MME: variants seen among roughly 807,000 people sequenced by gnomAD.
The protein encoded by MME is membrane metalloendopeptidase.
A neutral mutation model predicts 113.2 loss-of-function variants in MME; 98 were observed. The ratio of observed to expected loss-of-function variants is 0.87; its 90% confidence interval spans 0.74 to 1.02. The LOEUF (loss-of-function observed/expected upper bound fraction) is 1.02. Ranked by LOEUF, MME falls within the 50% of genes least tolerant of loss-of-function variation. The pLI is 0.00. For synonymous variants in MME, 292 were observed against 300.6 expected, an observed-to-expected ratio of 0.97 and a Z score of 0.30; for missense variants, 836 against 896.0, an observed-to-expected ratio of 0.93 and a Z score of 0.86.
At chr3:155,129,800 T>C (rs923221589) in intron 8 of MME, among the ~76,000 whole-genome samples, 11 of 152,188 alleles carry the variant, frequency 7.2e-5, no homozygotes, top group Admixed American at 3.3e-4. Flanking sequence ...GAGGTACAAA[T>C]TTCTATGCTA....
Position 155,080,408 on chromosome 3 carries a change from G to A in MME, c.-69G>A, listed in dbSNP as rs924248486. ...TGCACCGGGGCTGATTTGGGGGCTG[G>A]GAATTTGCCATTCTGCTGTACAGAC... On this transcript the variant is annotated 5_prime_UTR_variant, in exon 1 of 23. Coordinates refer to ENST00000360490, the MANE Select transcript of MME (RefSeq NM_007289.4). 6.6e-6 allele frequency: 1 copy of A among 152,110 alleles called. No homozygotes were observed. Among genetic ancestry groups the A allele is most frequent in the Non-Finnish European group, 1.5e-5 (1 of 68,090 alleles). 9.4% of individuals were successfully genotyped at this position (152,110 alleles called of 1,614,324 possible).
intron 8 of MME, among the ~76,000 whole-genome samples, chr3:155,126,791 G>A (rs1178694307): frequency 6.6e-6 from 1 of 151,902 alleles, no homozygotes; most frequent in African/African-American, 2.4e-5. Context: ...CCTGAGGTCG[G>A]GAGATCGAGA....
intron 8 of MME, among the ~76,000 whole-genome samples, chr3:155,132,228 C>G (rs137924708): frequency 6.6e-6 from 1 of 152,292 alleles, no homozygotes; most frequent in East Asian, 1.9e-4. Flanking sequence ...GTTTGAAGGA[C>G]AGTAGTCAAA....
chr3:155,084,201 G>C lies in MME; in HGVS notation c.34G>C (p.Asp12His), dbSNP rs1382290757. 6.2e-7 allele frequency: 1 copy of C among 1,613,914 alleles called. No homozygotes were observed. The highest frequency in any genetic ancestry group is 8.5e-7 in the Non-Finnish European group (1 of 1,179,992). Residue 12 changes from aspartate to histidine, a missense_variant, in exon 2 of 23, where the codon GAT becomes CAT. Coordinates refer to ENST00000360490, the MANE Select transcript of MME (RefSeq NM_007289.4). ...GKSESQMDIT[D>H]INTPKPKKKQ... ...GTCAGAAAGTCAGATGGATATAACT[G>C]ATATCAACACTCCAAAGCCAAAGAA...
chr3:155,099,358 G>A (rs551219843), intron 3 of MME, among the ~76,000 whole-genome samples: 1 of 152,076 alleles, frequency 6.6e-6, no homozygotes, highest in African/African-American at 2.4e-5. Flanking sequence ...AAAACAATAT[G>A]TTCTGTTTAA....
At chr3:155,132,557 A>G (rs1017289644) in intron 8 of MME, among the ~76,000 whole-genome samples, 1 of 152,050 alleles carries the variant, frequency 6.6e-6, no homozygotes, top group Non-Finnish European at 1.5e-5. Context: ...AAAGCTACAT[A>G]AATGTTTTGG....
At chr3:155,060,552 T>TATCAGGG (rs1377679930) in intron 1 of MME, among the ~76,000 whole-genome samples, 22 of 152,216 alleles carry the variant, frequency 1.4e-4, no homozygotes, top group African/African-American at 5.3e-4. Flanking sequence ...TCTGAGACCC[T>TATCAGGG]GATGATACCA....
intron 22 of MME, among the ~76,000 whole-genome samples, chr3:155,174,770 T>C (rs1177309768): frequency 6.6e-6 from 1 of 152,122 alleles, no homozygotes; most frequent in Non-Finnish European, 1.5e-5. Flanking sequence ...ATTTATGTAC[T>C]TTAAAATAAA....
At chr3:155,107,813 G>C (rs1717815915) in intron 3 of MME, among the ~76,000 whole-genome samples, 1 of 152,134 alleles carries the variant, frequency 6.6e-6, no homozygotes. Context: ...GATCCTTTTT[G>C]TAGTCCATTT....
intron 1 of MME, among the ~76,000 whole-genome samples, chr3:155,061,951 G>A (rs983137469): frequency 2.0e-5 from 3 of 152,170 alleles, no homozygotes; most frequent in Non-Finnish European, 4.4e-5. Context: ...GTGAGCCACC[G>A]TGCCAGGCCA....
intron 1 of MME, among the ~76,000 whole-genome samples, chr3:155,037,062 A>C (rs544732831): frequency 4.6e-5 from 7 of 152,298 alleles, no homozygotes; most frequent in Middle Eastern, 3.4e-3. Context: ...ACTGGACTCT[A>C]TTCTGCTGAA....
intron 1 of MME, among the ~76,000 whole-genome samples, chr3:155,044,154 AG>A (rs986378742): frequency 1.8e-5 from 2 of 113,634 alleles, no homozygotes; most frequent in African/African-American, 6.8e-5. Context: ...TTTTTGAGAC[AG>A]GGGGTCTTGC....
At chr3:155,080,120 G>C (rs896564817), upstream of MME, 1 of 152,842 alleles carries the variant, frequency 6.5e-6, no homozygotes, top group Admixed American at 6.5e-5. Context: ...AGCGGCTGCC[G>C]GGAGGTGCGC....
At chr3:155,038,405 C>T (rs1474893780) in intron 1 of MME, among the ~76,000 whole-genome samples, 1 of 151,578 alleles carries the variant, frequency 6.6e-6, no homozygotes, top group Non-Finnish European at 1.5e-5. Context: ...TGTCTAGGAC[C>T]TTGCTGGTCA....
chr3:155,137,461 C>T (rs942708285), intron 8 of MME, among the ~76,000 whole-genome samples: 1 of 152,174 alleles, frequency 6.6e-6, no homozygotes, highest in African/African-American at 2.4e-5. Flanking sequence ...AATCCCAGCA[C>T]TTTGGGAGGC....
intron 1 of MME, among the ~76,000 whole-genome samples, chr3:155,028,934 C>G (rs1712879320): frequency 6.6e-6 from 1 of 152,092 alleles, no homozygotes; most frequent in Non-Finnish European, 1.5e-5. Flanking sequence ...GTTTAAAACA[C>G]TTCATATCAA....
rs765778616 is a variant in MME at position 155,143,566 on chromosome 3, CAT to C, written c.1313_1314del (p.His438ArgfsTer19). ...VEAAFAGESKHVVEDLIAQIR... is the reference protein window; with the variant it reads ...VEAAFAGESKXVVEDLIAQIR... ...AGCAGCATTTGCTGGAGAGAGTAAA[CAT>C]GTGGTAATGTTTTCAGAATAATACA... On this transcript the variant is annotated frameshift_variant, in exon 13 of 23. Transcript: ENST00000360490. LOFTEE classifies it high-confidence loss of function. 9 of 1,611,718 alleles carry C rather than the reference CAT, an allele frequency of 5.6e-6. No individual in the cohort carries two copies. Among genetic ancestry groups the C allele is most frequent in the African/African-American group, 2.7e-5 (2 of 74,800 alleles).
chr3:155,106,346 G>T (rs560135401), intron 3 of MME, among the ~76,000 whole-genome samples: 1 of 152,278 alleles, frequency 6.6e-6, no homozygotes, highest in South Asian at 2.1e-4. Flanking sequence ...TCAGCATCTG[G>T]TATCCCCCAC....
chr3:155,032,465 A>G (rs1001263967), intron 1 of MME, among the ~76,000 whole-genome samples: 1 of 152,256 alleles, frequency 6.6e-6, no homozygotes, highest in African/African-American at 2.4e-5. Context: ...CTAGAAAATA[A>G]CCAATGAAAC....
Sources: allele counts gnomAD v4.1 joint callset (sites outside exome capture counted in the v4.1 genomes callset), GRCh38; gene constraint gnomAD v4.1.1; transcripts MANE v1.5; gene names NCBI Gene and HGNC (gene_info 2026-07-23, HGNC 2026-07-21).